Variants in ARHGAP45 observed in about 807,000 individuals in gnomAD.
The protein encoded by ARHGAP45 is rho GTPase-activating protein 45.
A neutral mutation model predicts 116.1 loss-of-function variants in ARHGAP45; 56 were observed. That is an observed-to-expected ratio of 0.48 (90% confidence interval 0.39 to 0.60). ARHGAP45 has a LOEUF of 0.60. ARHGAP45 is among the 20% of genes least tolerant of loss of function. ARHGAP45 has a pLI of 0.00. For synonymous variants in ARHGAP45, 866 were observed against 701.7 expected (o/e 1.23, Z -3.70); for missense variants, 1,622 against 1,601.0 (o/e 1.01, Z -0.22).
At chr19:1,074,959 G>C (rs1178289293) in intron 10 of ARHGAP45, 80 bp downstream of exon 10, 2 of 1,264,718 alleles carry the variant, frequency 1.6e-6, no homozygotes, top group Non-Finnish European at 1.0e-6. Flanking sequence ...GCCCCATAGC[G>C]AGGGCCCTGC....
Position 1,080,712 on chromosome 19 carries a change from C to T in ARHGAP45, c.1943C>T (p.Ser648Phe), listed in dbSNP as rs756347845. ...GDFKKFERTSSSGTMSSTEEL... is the reference protein window; with the variant it reads ...GDFKKFERTSFSGTMSSTEEL... ...TTTAAGAAGTTCGAGCGGACGTCAT[C>T]CAGTGGTACCATGTCGTCCACGGAG... Residue 648 changes from serine to phenylalanine, a missense_variant, in exon 16 of 23, where the codon TCC becomes TTC. By Grantham distance (155) the Ser-to-Phe change is radical (BLOSUM62 -2). Coordinates refer to ENST00000313093, the MANE Select transcript of ARHGAP45 (RefSeq NM_012292.5). 1.5e-5 allele frequency: 24 copies of T among 1,613,454 alleles called. No homozygotes were observed. The East Asian group carries it at 5.1e-4, about 34-fold the overall frequency.
chr19:1,078,261 A>C (rs1487493765), intron 11 of ARHGAP45, among the ~76,000 whole-genome samples: 5 of 149,866 alleles, frequency 3.3e-5, no homozygotes, highest in Admixed American at 6.7e-5. Flanking sequence ...CTCCTGCCTC[A>C]GCCTCCCGAG....
At chr19:1,077,309 C>T (rs940064081) in intron 10 of ARHGAP45, 10 of 984,568 alleles carry the variant, frequency 1.0e-5, no homozygotes, top group Non-Finnish European at 1.2e-5. Context: ...GCTTCCCGGG[C>T]TGCAGAGTGG....
Position 1,081,083 on chromosome 19 carries a change from C to T in ARHGAP45, c.2190+19C>T, listed in dbSNP as rs1360258068. 6.3e-6 allele frequency: 10 copies of T among 1,590,940 alleles called. No individual in the cohort carries two copies. Among genetic ancestry groups the T allele is most frequent in the South Asian group, 1.1e-5 (1 of 87,968 alleles). ...TGAAGAGGTGAGTGGGACGCCCCGA[C>T]GGACAGCTGGGAGCCTTCGGGAGCC... On this transcript the variant is annotated intron_variant, in intron 17 of 22. Transcript: ENST00000313093.
Position 1,069,833 on chromosome 19 carries a change from T to G in ARHGAP45, c.421+1089T>G, listed in dbSNP as rs1432691801. ...GTGGGGCACTTTTTTTTTTTTTTTT[T>G]TGATACAGGGTCTTGCTCTGTTGCC... On this transcript the variant is annotated intron_variant, in intron 2 of 22. Coordinates refer to ENST00000313093, the MANE Select transcript of ARHGAP45 (RefSeq NM_012292.5). The surrounding 1 kb of genome is among the most constrained non-coding windows in gnomAD (Gnocchi z 4.1). Among the ~76,000 whole-genome samples, 1 of 150,880 alleles carries G rather than the reference T, an allele frequency of 6.6e-6. No individual in the cohort carries two copies. Among genetic ancestry groups the G allele is most frequent in the Non-Finnish European group, 1.5e-5 (1 of 67,552 alleles).
rs758118205 is a variant in ARHGAP45 at position 1,073,172 on chromosome 19, C to G, written c.445C>G (p.Arg149Gly). 6.2e-7 allele frequency: 1 copy of G among 1,610,010 alleles called. No individual in the cohort carries two copies. The highest frequency in any genetic ancestry group is 1.3e-5 in the African/African-American group (1 of 75,030). Residue 149 changes from arginine (R) to glycine (G), a missense_variant, in exon 3 of 23, where the codon CGG becomes GGG. Physicochemically the swap from Arg to Gly is moderately radical, Grantham distance 125. Transcript: ENST00000313093. Reference protein sequence around the residue: ...RDDLLEARRPRAHECLGEALR... With the variant: ...RDDLLEARRPGAHECLGEALR... ...AGACCTCCTTGAGGCCCGCCGCCCG[C>G]GGGCCCACGAGTGCCTGGGTGAGGC...
chr19:1,074,125 T>G lies in ARHGAP45; in HGVS notation c.812T>G (p.Val271Gly), dbSNP rs1599756237. 6.2e-7 allele frequency: 1 copy of G among 1,612,284 alleles called. No homozygotes were observed. The highest frequency in any genetic ancestry group is 8.5e-7 in the Non-Finnish European group (1 of 1,179,626). ...GCAGGCTGCCTGCCCGCCGAGGAGGTGGACGTGCTGCTACAGCGCTGTGAG... is the reference window on the plus strand; with the variant it reads ...GCAGGCTGCCTGCCCGCCGAGGAGGGGGACGTGCTGCTACAGCGCTGTGAG... ...CDAGCLPAEE[V>G]DVLLQRCEGG... Residue 271 changes from valine (V) to glycine (G), a missense_variant, in exon 7 of 23, where the codon GTG becomes GGG. By Grantham distance (109) the Val-to-Gly change is moderately radical. This residue lies in a region of ARHGAP45 where 1,334 missense variants were observed against 1,263.8 expected (regional missense o/e 1.06). Coordinates refer to ENST00000313093, the MANE Select transcript of ARHGAP45 (RefSeq NM_012292.5).
rs1312379695 is a variant in ARHGAP45 at position 1,084,254 on chromosome 19, A to G, written c.2972A>G (p.Gln991Arg). 2 of 1,613,432 alleles carry G rather than the reference A, an allele frequency of 1.2e-6. No individual in the cohort carries two copies. The highest frequency in any genetic ancestry group is 1.7e-5 in the Admixed American group (1 of 59,962). The change falls in exon 22 of 23, where the codon CAG becomes CGG. Residue 991 changes from glutamine to arginine, a missense_variant. Gln to Arg is a conservative substitution (Grantham distance 43). Coordinates refer to ENST00000313093, the MANE Select transcript of ARHGAP45 (RefSeq NM_012292.5). Reference protein sequence around the residue: ...TPGGQDESSNQRAEVVVQVPY... With the variant: ...TPGGQDESSNRRAEVVVQVPY... ...CACTTGCAGGACGAGTCATCCAACC[A>G]GCGAGCTGAGGTAGTCGTCCAGGTG...
At position 1,081,599 on chromosome 19, in the gene ARHGAP45, G is replaced by A. The variant is rs752341017; in HGVS notation, c.2240G>A (p.Cys747Tyr). Residue 747 changes from cysteine (C) to tyrosine (Y), a missense_variant, in exon 18 of 23, where the codon TGC becomes TAC. By Grantham distance (194) the Cys-to-Tyr change is radical (BLOSUM62 -2). Transcript: ENST00000313093. ...KKCLETLAIQ[C>Y]GHKKLQGRLQ... The stretch of plus-strand genomic sequence containing the variant: ...TGTCTGGAGACGCTGGCCATACAGT[G>A]CGGGCACAAGAAGCTGCAAGGCCGC... 6.5e-7 allele frequency: 1 copy of A among 1,544,896 alleles called. No individual in the cohort carries two copies. Among genetic ancestry groups the A allele is most frequent in the Non-Finnish European group, 8.7e-7 (1 of 1,144,348 alleles).
Position 1,074,742 on chromosome 19 carries a change from G to A in ARHGAP45, c.1104+18G>A, listed in dbSNP as rs781415592. On this transcript the variant is annotated intron_variant, in intron 9 of 22. Transcript: ENST00000313093. ...TCATGCAGGTGCGTGGTGCCCGGGAGGGCGGGCTGGGCGGGGGTGTCACCG... is the reference window on the plus strand; with the variant it reads ...TCATGCAGGTGCGTGGTGCCCGGGAAGGCGGGCTGGGCGGGGGTGTCACCG... 9 of 1,594,898 alleles carry A rather than the reference G, an allele frequency of 5.6e-6. No individual in the cohort carries two copies. Among genetic ancestry groups the A allele is most frequent in the Admixed American group, 1.7e-5 (1 of 57,894 alleles).
chr19:1,081,443 T>G (rs1242987282), intron 17 of ARHGAP45, 107 bp from the exon 18 acceptor site: 1 of 1,147,952 alleles, frequency 8.7e-7, no homozygotes, highest in African/African-American at 1.6e-5. Context: ...TTGCAGAAGC[T>G]GCCGTGTGGG....
chr19:1,070,690 GCAGGC>G (rs2043124188), intron 2 of ARHGAP45, among the ~76,000 whole-genome samples: 1 of 151,512 alleles, frequency 6.6e-6, no homozygotes, highest in Admixed American at 6.6e-5. Context: ...CCCATATTGC[GCAGGC>G]TGGTCTAGAA....
Position 1,067,250 on chromosome 19 carries a change from G to GC in ARHGAP45, c.-156_-155insC, listed in dbSNP as rs200338036. ...CTCCCCGAAGCCTTTTCCTGTTGGG[G>GC]GGAGGGCCCGCCAGTGACGGCCGGG... On this transcript the variant is annotated 5_prime_UTR_variant, in exon 1 of 23. Coordinates refer to ENST00000313093, the MANE Select transcript of ARHGAP45 (RefSeq NM_012292.5). 9.3e-4 allele frequency: 1,282 copies of GC among 1,385,392 alleles called. 13 individuals carry two copies. The African/African-American group carries it at 0.016, about 17-fold the overall frequency. 85.8% of individuals were successfully genotyped at this position (1,385,392 alleles called of 1,614,324 possible). A position where few individuals can be genotyped will look rare whatever the true frequency, so the allele number is the denominator to read the frequency against.
rs754085432 is a variant in ARHGAP45 at position 1,068,481 on chromosome 19, C to T, written c.158C>T (p.Ser53Phe). 5.7e-6 allele frequency: 9 copies of T among 1,586,626 alleles called. No individual in the cohort carries two copies. The highest frequency in any genetic ancestry group is 1.3e-5 in the African/African-American group (1 of 74,276). Residue 53 changes from serine to phenylalanine, a missense_variant, in exon 2 of 23, where the codon TCC (serine) becomes TTC (phenylalanine). Physicochemically the swap from Ser to Phe is radical, Grantham distance 155 (BLOSUM62 -2). This residue lies in a region of ARHGAP45 where 279 missense variants were observed against 311.9 expected (regional missense o/e 0.89). Coordinates refer to ENST00000313093, the MANE Select transcript of ARHGAP45 (RefSeq NM_012292.5). The surrounding 1 kb of genome is among the most constrained non-coding windows in gnomAD (Gnocchi z 7.5). Reference sequence around the variant, plus strand: ...CCAAGCCTGGAGCCGCCCGCTGGGTCCTCCGGCGTCAAGGCCACAGGGACC... The same window carrying T: ...CCAAGCCTGGAGCCGCCCGCTGGGTTCTCCGGCGTCAAGGCCACAGGGACC... ...PGPSLEPPAG[S>F]SGVKATGTLK...
intron 17 of ARHGAP45, 79 bp from the exon 18 acceptor site, chr19:1,081,471 G>T: frequency 7.4e-7 from 1 of 1,354,758 alleles, no homozygotes; most frequent in Non-Finnish European, 9.8e-7. Flanking sequence ...AGCGCCCCGG[G>T]GAGGTGGGGT....
In ARHGAP45 at chr19:1,068,340, T is replaced by A. The variant is rs1310489661; in HGVS notation, c.91-74T>A. ...GATGGTGGCCCTCCACAGCCCCACT[T>A]CATTTCTGGGGAAACTGAGGCCGTG... On this transcript the variant is annotated intron_variant, in intron 1 of 22. Coordinates refer to ENST00000313093, the MANE Select transcript of ARHGAP45 (RefSeq NM_012292.5). The surrounding 1 kb of genome is among the most constrained non-coding windows in gnomAD (Gnocchi z 7.5). 8 of 1,355,036 alleles carry A rather than the reference T, an allele frequency of 5.9e-6. No homozygotes were observed. The East Asian group carries it at 1.8e-4, about 30-fold the overall frequency. The allele number at this position is 1,355,036 out of a possible 1,614,324, so 83.9% of individuals were successfully genotyped here.
At position 1,084,777 on chromosome 19, in the gene ARHGAP45, T is replaced by G. The variant is rs374346370; in HGVS notation, c.3064+431T>G. ...TATGGGACACCTGTGTTGTCTGTCT[T>G]CACACTGCTGATAAATAAATACCTG... is the stretch of plus-strand genomic sequence containing the variant. On this transcript the variant is annotated intron_variant, in intron 22 of 22. Coordinates refer to ENST00000313093, the MANE Select transcript of ARHGAP45 (RefSeq NM_012292.5). Among the ~76,000 whole-genome samples the G allele has an allele frequency of 1.3e-4, 20 of 152,178 alleles. 1 individual carries two copies. In the East Asian group the frequency reaches 3.1e-3, roughly 23 times the overall value.
intron 17 of ARHGAP45, 86 bp from the exon 18 acceptor site, chr19:1,081,464 G>GGCC: frequency 8.2e-7 from 1 of 1,222,102 alleles, no homozygotes; most frequent in Non-Finnish European, 1.1e-6. Context: ...GGCTGTGAGC[G>GGCC]CCCCGGGGAG....
chr19:1,073,489 T>G lies in ARHGAP45; in HGVS notation c.566-17T>G. 1 of 1,612,714 alleles carries G rather than the reference T, an allele frequency of 6.2e-7. No individual in the cohort carries two copies. Among genetic ancestry groups the G allele is most frequent in the Non-Finnish European group, 8.5e-7 (1 of 1,179,030 alleles). ...CCAGAGTGGGCCCACCTCCTTGTCC[T>G]TATCTCTGCTTCCCAGCCTTCCATT... On this transcript the variant is annotated splice_polypyrimidine_tract_variant and intron_variant, in intron 3 of 22. Transcript: ENST00000313093.
Sources: allele counts gnomAD v4.1 joint callset (sites outside exome capture counted in the v4.1 genomes callset), GRCh38; gene constraint gnomAD v4.1.1; regional missense constraint gnomAD v4.1.1; non-coding constraint Gnocchi (gnomAD v3.1); transcripts MANE v1.5; gene names NCBI Gene and HGNC (gene_info 2026-07-23, HGNC 2026-07-21).